CNNM2: variants seen among roughly 807,000 people sequenced by gnomAD.
CNNM2 encodes the protein cyclin and CBS domain divalent metal cation transport mediator 2, also known as metal transporter CNNM2.
In CNNM2, 12 loss-of-function variants were observed where a neutral mutation model predicts 66.9. That is an observed-to-expected ratio of 0.18 (90% CI 0.11 to 0.29). CNNM2 has a LOEUF of 0.29. Ranked by LOEUF, CNNM2 falls within the 10% of genes least tolerant of loss-of-function variation. The probability of loss-of-function intolerance (pLI) is 1.00; values close to 1 mark genes in which losing one functional copy is unlikely to be tolerated. For missense variants in CNNM2, 705 were observed against 1,167.7 expected, an observed-to-expected ratio of 0.60 and a Z score of 5.77; for synonymous variants, 557 against 501.8, an observed-to-expected ratio of 1.11 and a Z score of -1.47.
intron 1 of CNNM2, among the ~76,000 whole-genome samples, chr10:102,956,547 A>G (rs905172781): frequency 1.3e-5 from 2 of 152,220 alleles, no homozygotes; most frequent in African/African-American, 4.8e-5. Context: ...ACTATTCACA[A>G]TAGCAAAGAC....
intron 1 of CNNM2, among the ~76,000 whole-genome samples, chr10:103,034,743 T>C (rs2064897386): frequency 6.6e-6 from 1 of 152,098 alleles, no homozygotes; most frequent in African/African-American, 2.4e-5. Context: ...TAGATCTCTT[T>C]TAAAAATCTC....
At chr10:103,070,528 T>A (rs561284810) in intron 5 of CNNM2, among the ~76,000 whole-genome samples, 1 of 152,244 alleles carries the variant, frequency 6.6e-6, no homozygotes, top group East Asian at 1.9e-4. Flanking sequence ...AGAACCAGAT[T>A]TATAAGATGG....
chr10:102,937,431 T>A (rs1471246696), intron 1 of CNNM2, among the ~76,000 whole-genome samples: 7 of 152,310 alleles, frequency 4.6e-5, no homozygotes, highest in Admixed American at 6.5e-5. Flanking sequence ...ACTTTTAACA[T>A]AAAGCTATAA....
chr10:102,938,533 T>G (rs1283962392), intron 1 of CNNM2, among the ~76,000 whole-genome samples: 1 of 147,742 alleles, frequency 6.8e-6, no homozygotes, highest in Non-Finnish European at 1.5e-5. Flanking sequence ...AGTAGGGGGA[T>G]TGCTTGAGCC....
At chr10:102,985,379 C>A (rs117770134) in intron 1 of CNNM2, among the ~76,000 whole-genome samples, 1 of 151,960 alleles carries the variant, frequency 6.6e-6, no homozygotes, top group Non-Finnish European at 1.5e-5. Flanking sequence ...GCTGTGAGTC[C>A]GGCAAAGGGG....
chr10:102,982,351 C>T (rs775033680), intron 1 of CNNM2, among the ~76,000 whole-genome samples: 7 of 152,122 alleles, frequency 4.6e-5, no homozygotes, highest in Non-Finnish European at 2.9e-5. Context: ...TAGCCTGGGG[C>T]CTGCAGTAGT....
In CNNM2 at chr10:103,056,881, TATG is replaced by T. The variant is rs748152437; in HGVS notation, c.1995_1997del (p.Asp665del). 10 of 1,613,826 alleles carry T rather than the reference TATG, an allele frequency of 6.2e-6. No individual in the cohort carries two copies. Among genetic ancestry groups the T allele is most frequent in the African/African-American group, 2.7e-5 (2 of 74,908 alleles). On this transcript the variant is annotated inframe_deletion, in exon 4 of 8. Coordinates refer to ENST00000369878, the MANE Select transcript of CNNM2 (RefSeq NM_017649.5). ...CCCCAATGTCATCCAGGAACTGAAA[TATG>T]ATGAGAAGAACAAGAAAGCCCCCGA...
Position 103,076,913 on chromosome 10 carries a change from G to T in CNNM2, c.2419-58G>T. ...GTCGGGATTGAACGTGTGGAGATCA[G>T]AGAACCTAAAAATAAGCATTATCTT... is the stretch of plus-strand genomic sequence containing the variant. On this transcript the variant is annotated intron_variant, in intron 7 of 7. Transcript: ENST00000369878. 2.0e-6 allele frequency: 3 copies of T among 1,501,834 alleles called. No homozygotes were observed. In the African/African-American group the frequency reaches 4.1e-5, roughly 21 times the overall value. The allele number at this position is 1,501,834 out of a possible 1,614,324, so 93.0% of individuals were successfully genotyped here. A position where few individuals can be genotyped will look rare whatever the true frequency, so the allele number is the denominator to read the frequency against.
intron 1 of CNNM2, among the ~76,000 whole-genome samples, chr10:102,996,664 A>G (rs1292472484): frequency 2.0e-5 from 3 of 152,264 alleles, no homozygotes; most frequent in African/African-American, 4.8e-5. Context: ...AGCCTGGGAA[A>G]CAGAGCAAGA....
intron 6 of CNNM2, 81 bp from the exon 7 acceptor site, chr10:103,076,005 A>AT: frequency 7.7e-7 from 1 of 1,302,084 alleles, no homozygotes; most frequent in African/African-American, 1.5e-5. Flanking sequence ...GGCATTTAGT[A>AT]TTTTTTATTT....
At chr10:102,975,986 T>G (rs2063623120) in intron 1 of CNNM2, among the ~76,000 whole-genome samples, 1 of 152,184 alleles carries the variant, frequency 6.6e-6, no homozygotes, top group Non-Finnish European at 1.5e-5. Flanking sequence ...GAAATTCTAC[T>G]TCCTTGTCTT....
chr10:102,978,255 G>T (rs1244540557), intron 1 of CNNM2, among the ~76,000 whole-genome samples: 3 of 149,178 alleles, frequency 2.0e-5, no homozygotes, highest in African/African-American at 7.4e-5. Context: ...TCAAACATAC[G>T]ATTTTCAAAA....
chr10:102,924,283 A>T (rs1419938691), intron 1 of CNNM2, among the ~76,000 whole-genome samples: 1 of 152,206 alleles, frequency 6.6e-6, no homozygotes, highest in African/African-American at 2.4e-5. Flanking sequence ...CAAGTTGTCT[A>T]TGCTGAGGTG....
chr10:103,070,805 C>G (rs1226401038), intron 5 of CNNM2, among the ~76,000 whole-genome samples: 1 of 152,184 alleles, frequency 6.6e-6, no homozygotes, highest in Non-Finnish European at 1.5e-5. Flanking sequence ...TGGCACATGC[C>G]TGTAGTCCTA....
chr10:103,046,737 G>A (rs980552200), intron 1 of CNNM2, among the ~76,000 whole-genome samples: 4 of 152,184 alleles, frequency 2.6e-5, no homozygotes, highest in Non-Finnish European at 4.4e-5. Context: ...GTTCAGTCTT[G>A]TGCATTCAGT....
chr10:103,083,495 C>T lies in CNNM2; in HGVS notation c.*6315C>T. On this transcript the variant is annotated 3_prime_UTR_variant, in exon 8 of 8. Transcript: ENST00000369878. ...TGCCCTACCCACTTGCCTGGCTTTG[C>T]TGGTGGGAAAGCTGGGACTGGATCT... 1 of 152,370 alleles carries T rather than the reference C, an allele frequency of 6.6e-6. No individual in the cohort carries two copies. The highest frequency in any genetic ancestry group is 1.5e-5 in the Non-Finnish European group (1 of 68,096). The allele number at this position is 152,370 out of a possible 1,614,324, so 9.4% of individuals were successfully genotyped here. A position where few individuals can be genotyped will look rare whatever the true frequency, so the allele number is the denominator to read the frequency against.
chr10:103,075,037 A>G (rs1243916852), intron 6 of CNNM2, among the ~76,000 whole-genome samples: 1 of 152,218 alleles, frequency 6.6e-6, no homozygotes, highest in Non-Finnish European at 1.5e-5. Flanking sequence ...AAGAAAAGGT[A>G]CTAAAGCTCC....
chr10:102,992,418 C>T (rs2063915375), intron 1 of CNNM2, among the ~76,000 whole-genome samples: 2 of 151,984 alleles, frequency 1.3e-5, no homozygotes, highest in South Asian at 2.1e-4. Flanking sequence ...GATTTACAGG[C>T]ATCTGCCACC....
chr10:102,928,113 C>T (rs1845939209), intron 1 of CNNM2, among the ~76,000 whole-genome samples: 1 of 152,248 alleles, frequency 6.6e-6, no homozygotes, highest in African/African-American at 2.4e-5. Context: ...TATTTTCTAA[C>T]TCATATGGTA....
Sources: gnomAD v4.1 joint callset for allele counts (sites outside exome capture counted in the v4.1 genomes callset) on GRCh38, gnomAD v4.1.1 for gene constraint, MANE v1.5 for transcripts, NCBI Gene and HGNC (gene_info 2026-07-23, HGNC 2026-07-21) for gene names.